Variants in GNAL observed in about 807,000 individuals in gnomAD.
GNAL encodes guanine nucleotide-binding protein G(olf) subunit alpha.
In GNAL, 18 loss-of-function variants were observed where a neutral mutation model predicts 55.1. The ratio of observed to expected loss-of-function variants is 0.33; its 90% confidence interval spans 0.23 to 0.48. GNAL has a LOEUF of 0.48. Ranked by LOEUF, GNAL falls within the 20% of genes least tolerant of loss-of-function variation. GNAL has a pLI of 0.99. For synonymous variants in GNAL, 253 were observed against 237.0 expected (o/e 1.07, Z -0.62); for missense variants, 412 against 614.1 (o/e 0.67, Z 3.48).
chr18:11,838,977 A>G (rs1431934157), intron 5 of GNAL, among the ~76,000 whole-genome samples: 1 of 152,160 alleles, frequency 6.6e-6, no homozygotes, highest in Non-Finnish European at 1.5e-5. Flanking sequence ...TGACACAGTA[A>G]CATATAAATA....
intron 5 of GNAL, chr18:11,851,774 T>A: frequency 6.2e-7 from 1 of 1,613,974 alleles, no homozygotes; most frequent in Non-Finnish European, 8.5e-7. Context: ...ATGGGCAAGG[T>A]GACCAAGTCG....
chr18:11,753,879 T>C lies in GNAL; in HGVS notation c.558T>C (p.Pro186=). ...TIIPPVPLAN[P]ENQFRSDYIK... is the part of the protein sequence containing the mutation. ...TACCTCCAGTTCCGCTGGCCAACCC[T>C]GAAAACCAATTTCGATCAGACTACA... Residue 186 remains proline (P), a synonymous_variant, in exon 4 of 12, where the codon CCT becomes CCC. Transcript: ENST00000334049. The C allele has an allele frequency of 6.2e-7, 1 of 1,610,172 alleles. No homozygotes were observed. Among genetic ancestry groups the C allele is most frequent in the Non-Finnish European group, 8.5e-7 (1 of 1,176,400 alleles).
At position 11,702,819 on chromosome 18, in the gene GNAL, T is replaced by TAAA. The variant is rs5823170; in HGVS notation, c.376+12893_376+12895dup. On this transcript the variant is annotated intron_variant, in intron 1 of 11. Transcript: ENST00000334049. ...AGCAGCTTCCAAGAACCTTCCCACTTAAAAAAAAAAAAAAATAGCCCGGTG... is the reference window on the plus strand; with the variant it reads ...AGCAGCTTCCAAGAACCTTCCCACTTAAAAAAAAAAAAAAAAAATAGCCCGGTG... Among the ~76,000 whole-genome samples, 16 of 144,052 alleles carry TAAA rather than the reference T, an allele frequency of 1.1e-4. 1 individual carries two copies. The highest frequency in any genetic ancestry group is 6.2e-4 in the Admixed American group (9 of 14,418). 94.5% of individuals were successfully genotyped at this position (144,052 alleles called of 152,430 possible).
intron 4 of GNAL, among the ~76,000 whole-genome samples, chr18:11,823,148 G>A (rs538269165): frequency 1.2e-4 from 18 of 151,898 alleles, no homozygotes; most frequent in Middle Eastern, 3.4e-3. Context: ...ATCTTTACAC[G>A]TGTGTGTGTG....
At chr18:11,759,749 C>T (rs1212694516) in intron 4 of GNAL, among the ~76,000 whole-genome samples, 1 of 152,248 alleles carries the variant, frequency 6.6e-6, no homozygotes, top group African/African-American at 2.4e-5. Context: ...CCAGCGGCTG[C>T]TGCCGTGTGC....
intron 1 of GNAL, chr18:11,702,135 A>G (rs1281054453): frequency 1.3e-5 from 2 of 152,300 alleles, no homozygotes; most frequent in Admixed American, 1.3e-4. Flanking sequence ...CAGGAGAAAC[A>G]CAGGTCAGCC....
At chr18:11,724,108 G>A (rs895505647) in intron 1 of GNAL, among the ~76,000 whole-genome samples, 1 of 152,186 alleles carries the variant, frequency 6.6e-6, no homozygotes, top group Non-Finnish European at 1.5e-5. Context: ...TTAGAAGCCT[G>A]CATTAGTCTG....
chr18:11,755,708 G>C (rs1204227724), intron 4 of GNAL, among the ~76,000 whole-genome samples: 3 of 152,204 alleles, frequency 2.0e-5, no homozygotes, highest in Non-Finnish European at 2.9e-5. Context: ...CACACTGGCT[G>C]GAAGAAGGGG....
At chr18:11,731,284 A>C (rs974765869) in intron 1 of GNAL, among the ~76,000 whole-genome samples, 1 of 152,200 alleles carries the variant, frequency 6.6e-6, no homozygotes, top group Non-Finnish European at 1.5e-5. Context: ...AGTAGCTGGG[A>C]TTACAGGCCC....
At chr18:11,727,656 C>G (rs868402296) in intron 1 of GNAL, among the ~76,000 whole-genome samples, 1 of 152,100 alleles carries the variant, frequency 6.6e-6, no homozygotes, top group South Asian at 2.1e-4. Context: ...TAATCCAGAC[C>G]CTTTTCCATT....
At chr18:11,741,651 G>T (rs925375883) in intron 1 of GNAL, among the ~76,000 whole-genome samples, 3 of 152,198 alleles carry the variant, frequency 2.0e-5, no homozygotes, top group Non-Finnish European at 1.5e-5. Context: ...ATGAATGAAT[G>T]AATGAATGAA....
intron 6 of GNAL, among the ~76,000 whole-genome samples, chr18:11,864,132 G>A (rs1375982589): frequency 1.4e-5 from 2 of 147,608 alleles, no homozygotes; most frequent in Admixed American, 6.7e-5. Flanking sequence ...CGTCACCCAG[G>A]CTGGAATGCA....
At chr18:11,736,053 C>G (rs192611359) in intron 1 of GNAL, among the ~76,000 whole-genome samples, 11 of 152,280 alleles carry the variant, frequency 7.2e-5, no homozygotes, top group African/African-American at 2.6e-4. Context: ...GCCAGTACAT[C>G]TCCAAATCTA....
chr18:11,820,761 TG>T (rs1368109243), intron 4 of GNAL, among the ~76,000 whole-genome samples: 1 of 152,260 alleles, frequency 6.6e-6, no homozygotes, highest in African/African-American at 2.4e-5. Flanking sequence ...TGTGGAATCA[TG>T]GGGACTTAGC....
chr18:11,767,466 G>T (rs1159770845), intron 4 of GNAL, among the ~76,000 whole-genome samples: 1 of 151,344 alleles, frequency 6.6e-6, no homozygotes, highest in African/African-American at 2.4e-5. Context: ...TGCACCTTAT[G>T]CTTGCATGCT....
intron 1 of GNAL, among the ~76,000 whole-genome samples, chr18:11,705,670 G>T (rs1344898406): frequency 6.6e-6 from 1 of 150,588 alleles, no homozygotes; most frequent in Non-Finnish European, 1.5e-5. Flanking sequence ...GAGGTGATAT[G>T]TCATTATGGT....
chr18:11,695,570 T>G (rs1362807375), intron 1 of GNAL, among the ~76,000 whole-genome samples: 3 of 152,202 alleles, frequency 2.0e-5, no homozygotes, highest in Admixed American at 6.5e-5. Context: ...TGCCATTGAT[T>G]TTTCTTCATC....
At chr18:11,749,706 C>A (rs1895874959) in intron 1 of GNAL, among the ~76,000 whole-genome samples, 1 of 152,116 alleles carries the variant, frequency 6.6e-6, no homozygotes. Flanking sequence ...TCCCTTAGGG[C>A]TTGAGAAGGT....
intron 5 of GNAL, among the ~76,000 whole-genome samples, chr18:11,859,275 C>G (rs906938712): frequency 3.9e-5 from 6 of 152,302 alleles, no homozygotes; most frequent in African/African-American, 1.4e-4. Flanking sequence ...CCTTCTCACC[C>G]AGAAACCCAT....
Sources: gnomAD v4.1 joint callset for allele counts (sites outside exome capture counted in the v4.1 genomes callset) on GRCh38, gnomAD v4.1.1 for gene constraint, MANE v1.5 for transcripts, NCBI Gene and HGNC (gene_info 2026-07-23, HGNC 2026-07-21) for gene names.